Variants in AGBL4 observed in about 807,000 individuals in gnomAD.
AGBL4 encodes AGBL carboxypeptidase 4, also known as cytosolic carboxypeptidase 6.
In AGBL4, 58 loss-of-function variants were observed where a neutral mutation model predicts 66.4. The ratio of observed to expected loss-of-function variants is 0.87; its 90% confidence interval spans 0.71 to 1.09. AGBL4 has a LOEUF of 1.09. Ranked by LOEUF, AGBL4 falls within the 50% of genes least tolerant of loss-of-function variation. The probability of loss-of-function intolerance (pLI) is 0.00; values close to 1 mark genes in which losing one functional copy is unlikely to be tolerated. For synonymous variants in AGBL4, 234 were observed against 222.9 expected (o/e 1.05, Z -0.44); for missense variants, 579 against 631.0 (o/e 0.92, Z 0.88).
chr1:49,993,175 C>T (rs1660094994), intron 1 of AGBL4, among the ~76,000 whole-genome samples: 1 of 152,184 alleles, frequency 6.6e-6, no homozygotes, highest in Non-Finnish European at 1.5e-5. Context: ...GATATAGTGA[C>T]TGAACCAAAA....
At chr1:48,735,758 G>A (rs1052676302) in intron 6 of AGBL4, among the ~76,000 whole-genome samples, 37 of 151,716 alleles carry the variant, frequency 2.4e-4, no homozygotes, top group African/African-American at 8.0e-4. Flanking sequence ...CAAGAACTGC[G>A]TCCCCTAGCC....
intron 3 of AGBL4, among the ~76,000 whole-genome samples, chr1:49,681,967 A>T (rs1467201205): frequency 2.6e-5 from 4 of 152,208 alleles, no homozygotes; most frequent in African/African-American, 9.6e-5. Context: ...ATTTTATTTA[A>T]ATCAAGAAAG....
intron 5 of AGBL4, among the ~76,000 whole-genome samples, chr1:48,939,859 C>T (rs1051206487): frequency 5.3e-5 from 8 of 152,120 alleles, no homozygotes; most frequent in Non-Finnish European, 1.2e-4. Context: ...TAATTTTAAC[C>T]CACAGCGGAC....
At chr1:49,950,088 ATATATACACATATATATACATATG>A (rs1557612109) in intron 1 of AGBL4, among the ~76,000 whole-genome samples, 15 of 143,796 alleles carry the variant, frequency 1.0e-4, no homozygotes, top group South Asian at 8.6e-4. Context: ...ATATGTGTAT[ATATATACACATATATATACATATG>A]TATATACACA....
chr1:49,269,773 G>T (rs1179223616), intron 3 of AGBL4, among the ~76,000 whole-genome samples: 5 of 152,096 alleles, frequency 3.3e-5, no homozygotes, highest in Non-Finnish European at 7.3e-5. Flanking sequence ...TAATCCTTTT[G>T]TGATTTTTCC....
At chr1:49,928,925 T>G (rs1022915646) in intron 1 of AGBL4, among the ~76,000 whole-genome samples, 5 of 151,960 alleles carry the variant, frequency 3.3e-5, no homozygotes, top group Non-Finnish European at 7.4e-5. Context: ...CAGCTGACCA[T>G]CAATTATGGA....
chr1:49,536,616 A>C (rs1182629709), intron 3 of AGBL4, among the ~76,000 whole-genome samples: 1 of 152,212 alleles, frequency 6.6e-6, no homozygotes, highest in Non-Finnish European at 1.5e-5. Flanking sequence ...AGCAAAAAGA[A>C]TGAAGCTGGA....
chr1:49,469,078 A>G (rs2148709797), intron 3 of AGBL4, among the ~76,000 whole-genome samples: 1 of 151,874 alleles, frequency 6.6e-6, no homozygotes, highest in East Asian at 1.9e-4. Flanking sequence ...ATGTTTATAC[A>G]TTTCCCTTTT....
intron 2 of AGBL4, among the ~76,000 whole-genome samples, chr1:49,742,086 A>G (rs1415181363): frequency 6.6e-6 from 1 of 152,214 alleles, no homozygotes; most frequent in Admixed American, 6.5e-5. Context: ...AAAGGCATTC[A>G]ATTAGGAAGA....
At chr1:49,237,403 AT>A (rs1650845900) in intron 4 of AGBL4, among the ~76,000 whole-genome samples, 1 of 151,610 alleles carries the variant, frequency 6.6e-6, no homozygotes, top group Non-Finnish European at 1.5e-5. Flanking sequence ...GCCACATAGA[AT>A]TGTAAGTCCA....
At chr1:49,609,739 C>A (rs985579211) in intron 3 of AGBL4, among the ~76,000 whole-genome samples, 9 of 152,080 alleles carry the variant, frequency 5.9e-5, no homozygotes, top group Non-Finnish European at 1.2e-4. Context: ...GCTGTTCGAT[C>A]CCCACCACAT....
chr1:49,577,919 T>C (rs1055977926), intron 3 of AGBL4, among the ~76,000 whole-genome samples: 25 of 152,158 alleles, frequency 1.6e-4, no homozygotes, highest in African/African-American at 6.0e-4. Flanking sequence ...TCTCCCATAG[T>C]TGGGATTCAT....
intron 1 of AGBL4, among the ~76,000 whole-genome samples, chr1:49,948,515 A>G (rs868204119): frequency 6.6e-4 from 70 of 105,804 alleles, no homozygotes; most frequent in African/African-American, 2.3e-3. Context: ...AAATATATAA[A>G]AATATAAATA....
chr1:48,716,146 TG>T (rs1427810620), intron 6 of AGBL4, among the ~76,000 whole-genome samples: 1 of 152,216 alleles, frequency 6.6e-6, no homozygotes, highest in Non-Finnish European at 1.5e-5. Flanking sequence ...AAAGGAAGCT[TG>T]GAGTGGCAGC....
At chr1:48,947,488 C>T (rs1406179392) in intron 5 of AGBL4, among the ~76,000 whole-genome samples, 1 of 152,186 alleles carries the variant, frequency 6.6e-6, no homozygotes, top group African/African-American at 2.4e-5. Flanking sequence ...AATCTGTTTT[C>T]ATTATATTAA....
chr1:49,177,725 T>C (rs1349129832), intron 4 of AGBL4, among the ~76,000 whole-genome samples: 1 of 152,054 alleles, frequency 6.6e-6, no homozygotes, highest in Non-Finnish European at 1.5e-5. Flanking sequence ...ATATTCCCCC[T>C]GAAGGGGTAA....
intron 3 of AGBL4, among the ~76,000 whole-genome samples, chr1:49,641,617 A>AT (rs1165408385): frequency 6.6e-6 from 1 of 151,972 alleles, no homozygotes; most frequent in African/African-American, 2.4e-5. Context: ...GTTCAACTGG[A>AT]TTTTTGTTCT....
At chr1:48,740,897 C>A (rs548885216) in intron 6 of AGBL4, among the ~76,000 whole-genome samples, 37 of 152,232 alleles carry the variant, frequency 2.4e-4, no homozygotes, top group Admixed American at 2.2e-3. Context: ...GCCTGACTAC[C>A]AATTAGGTGC....
At chr1:49,224,443 C>G (rs1009803868) in intron 4 of AGBL4, among the ~76,000 whole-genome samples, 31 of 151,874 alleles carry the variant, frequency 2.0e-4, no homozygotes, top group African/African-American at 7.2e-4. Flanking sequence ...CGGTGAAACC[C>G]CAACTCTACT....
Sources: gnomAD v4.1 joint callset for allele counts (sites outside exome capture counted in the v4.1 genomes callset) on GRCh38, gnomAD v4.1.1 for gene constraint, MANE v1.5 for transcripts, NCBI Gene and HGNC (gene_info 2026-07-23, HGNC 2026-07-21) for gene names.